Variants in GCFC2 observed in about 807,000 individuals in gnomAD.
The protein encoded by GCFC2 is intron Large complex component GCFC2.
A neutral mutation model predicts 99.4 loss-of-function variants in GCFC2; 102 were observed. That is an observed-to-expected ratio of 1.03 (90% CI 0.87 to 1.21). GCFC2 has a LOEUF of 1.21. Among genes scored for constraint, GCFC2 ranks in the 50% most tolerant of loss-of-function variants. The pLI is 0.00. For synonymous variants in GCFC2, 338 were observed against 316.8 expected (o/e 1.07, Z -0.71); for missense variants, 973 against 920.9 (o/e 1.06, Z -0.73).
chr2:75,699,417 G>A (rs193157968), intron 4 of GCFC2, among the ~76,000 whole-genome samples: 55 of 152,234 alleles, frequency 3.6e-4, no homozygotes, highest in African/African-American at 1.2e-3. Context: ...GAAAGTTTGG[G>A]AATCTCTGAT....
At chr2:75,702,808 C>T (rs1264289092) in intron 2 of GCFC2, among the ~76,000 whole-genome samples, 2 of 152,134 alleles carry the variant, frequency 1.3e-5, no homozygotes, top group African/African-American at 4.8e-5. Context: ...TCAGTGAGAG[C>T]TACAGAAGTT....
intron 9 of GCFC2, among the ~76,000 whole-genome samples, chr2:75,689,546 A>G (rs1422991719): frequency 6.6e-6 from 1 of 152,128 alleles, no homozygotes; most frequent in Non-Finnish European, 1.5e-5. Context: ...TTTGTCTAAG[A>G]TTACACAGAA....
At chr2:75,687,243 T>C (rs1050122957) in intron 11 of GCFC2, among the ~76,000 whole-genome samples, 1 of 151,884 alleles carries the variant, frequency 6.6e-6, no homozygotes, top group Non-Finnish European at 1.5e-5. Flanking sequence ...GATGAAGCAA[T>C]GGTTTTAAAG....
At chr2:75,673,394 G>T (rs772084740) in intron 13 of GCFC2, 50 bp downstream of exon 13, 1 of 803,408 alleles carries the variant, frequency 1.2e-6, no homozygotes, top group Non-Finnish European at 2.2e-6. Context: ...AAACAAATCT[G>T]TATTCTATGA....
upstream of GCFC2, among the ~76,000 whole-genome samples, chr2:75,711,673 C>T (rs1681189650): frequency 6.6e-6 from 1 of 152,236 alleles, no homozygotes; most frequent in African/African-American, 2.4e-5. Context: ...TCGGAGCAGC[C>T]GGCCGGCCCT....
rs1273276657 is a variant in GCFC2 at position 75,680,364 on chromosome 2, C to T, written c.1691-50G>A. The T allele has an allele frequency of 4.7e-6, 7 of 1,499,518 alleles. No homozygotes were observed. The East Asian group carries it at 1.4e-4, about 30-fold the overall frequency. The allele number at this position is 1,499,518 out of a possible 1,614,324, so 92.9% of individuals were successfully genotyped here. A position where few individuals can be genotyped will look rare whatever the true frequency, so the allele number is the denominator to read the frequency against. ...ACAATGTATTTACTAGATTGTTTTG[C>T]TTTTCATATACAAATAATCAAGACC... On this transcript the variant is annotated intron_variant, in intron 11 of 16. Transcript: ENST00000321027.
At chr2:75,696,861 CT>C (rs1489564446) in intron 4 of GCFC2, among the ~76,000 whole-genome samples, 1 of 152,092 alleles carries the variant, frequency 6.6e-6, no homozygotes, top group Non-Finnish European at 1.5e-5. Context: ...TCTCGGCTCA[CT>C]GCAAGCTCCG....
chr2:75,688,887 C>T lies in GCFC2; in HGVS notation c.1539+139G>A, dbSNP rs1371697091. The T allele has an allele frequency of 5.3e-6, 3 of 566,948 alleles. No individual in the cohort carries two copies. The African/African-American group carries it at 5.9e-5, about 11-fold the overall frequency. The allele number at this position is 566,948 out of a possible 1,614,324, so 35.1% of individuals were successfully genotyped here. A position where few individuals can be genotyped will look rare whatever the true frequency, so the allele number is the denominator to read the frequency against. On this transcript the variant is annotated intron_variant, in intron 10 of 16. Transcript: ENST00000321027. Reference sequence around the variant, plus strand: ...AAAGAAGAATGTAGCCGAAAGCACACATTTTCTGACTATTGTTCCAAAGCT... The same window carrying T: ...AAAGAAGAATGTAGCCGAAAGCACATATTTTCTGACTATTGTTCCAAAGCT...
chr2:75,673,340 A>C, intron 13 of GCFC2, 104 bp downstream of exon 13: 2 of 676,044 alleles, frequency 3.0e-6, no homozygotes, highest in Non-Finnish European at 5.4e-6. Context: ...ACAAAAAACA[A>C]AACAAAAAAT....
chr2:75,696,081 T>A, intron 5 of GCFC2, 119 bp downstream of exon 5: 1 of 474,352 alleles, frequency 2.1e-6, no homozygotes, highest in Non-Finnish European at 3.9e-6. Context: ...CAGGAGATCC[T>A]TTTTCCCCCC....
intron 2 of GCFC2, among the ~76,000 whole-genome samples, chr2:75,703,951 A>T (rs1441248477): frequency 6.6e-6 from 1 of 152,212 alleles, no homozygotes; most frequent in Non-Finnish European, 1.5e-5. Context: ...AGTAAGTCAC[A>T]AGCAATGGGA....
intron 15 of GCFC2, among the ~76,000 whole-genome samples, chr2:75,666,969 C>G (rs1678870642): frequency 6.6e-6 from 1 of 152,122 alleles, no homozygotes; most frequent in Non-Finnish European, 1.5e-5. Flanking sequence ...ATTGTAACTG[C>G]AAGTGGGAGT....
intron 9 of GCFC2, 84 bp from the exon 10 acceptor site, chr2:75,689,309 T>C: frequency 2.9e-6 from 2 of 682,448 alleles, no homozygotes. Flanking sequence ...TGATGGACTG[T>C]AATCAATTGA....
chr2:75,689,116 G>T lies in GCFC2; in HGVS notation c.1449C>A (p.Asp483Glu). 6.3e-7 allele frequency: 1 copy of T among 1,593,852 alleles called. No homozygotes were observed. Among genetic ancestry groups the T allele is most frequent in the Non-Finnish European group, 8.6e-7 (1 of 1,162,738 alleles). The change falls in exon 10 of 17, where the codon GAC (aspartate) becomes GAA (glutamate). Residue 483 changes from aspartate (D) to glutamate (E), a missense_variant. Transcript: ENST00000321027. ...AACTAATGAAAGCTTCATAATAGGA[G>T]TCAGGAAACTTTTCTCGCCATTGCT... ...KFQQWREKFP[D>E]SYYEAFISLC...
At position 75,710,801 on chromosome 2, in the gene GCFC2, T is replaced by G. The variant is rs1681134931; in HGVS notation, c.55A>C (p.Ser19Arg). The G allele has an allele frequency of 1.9e-6, 3 of 1,579,408 alleles. No individual in the cohort carries two copies. The highest frequency in any genetic ancestry group is 2.6e-6 in the Non-Finnish European group (3 of 1,168,992). ...FRQRAADSSD[S>R]DGAEESPAEP... ...GCAGGCGACTCCTCGGCGCCATCGC[T>G]GTCGCTGGAATCAGCCGCGCGCTGC... Residue 19 changes from serine (S) to arginine (R), a missense_variant, in exon 1 of 17, where the codon AGC becomes CGC. Physicochemically the swap from Ser to Arg is moderately radical, Grantham distance 110. Coordinates refer to ENST00000321027, the MANE Select transcript of GCFC2 (RefSeq NM_003203.5).
intron 15 of GCFC2, among the ~76,000 whole-genome samples, chr2:75,667,322 G>C (rs1678888160): frequency 1.3e-5 from 2 of 151,940 alleles, no homozygotes; most frequent in African/African-American, 4.8e-5. Flanking sequence ...GAAATTCCTA[G>C]ATAATCATAC....
At position 75,671,973 on chromosome 2, in the gene GCFC2, T is replaced by C; in HGVS notation, c.1933A>G (p.Arg645Gly). The C allele has an allele frequency of 6.3e-7, 1 of 1,593,260 alleles. No homozygotes were observed. Among genetic ancestry groups the C allele is most frequent in the Non-Finnish European group, 8.6e-7 (1 of 1,162,496 alleles). Residue 645 changes from arginine to glycine, a missense_variant, in exon 14 of 17, where the codon AGA becomes GGA. Arg to Gly is a moderately radical substitution (Grantham distance 125). Coordinates refer to ENST00000321027, the MANE Select transcript of GCFC2 (RefSeq NM_003203.5). ...ACCTTTAGGCCTGACCAGAACTGTC[T>C]TTCTTGGAACTTTGAATGAGGTGAT... ...KTSPHSKFQE[R>G]QFWSGLKLFR... is the part of the protein sequence containing the mutation.
chr2:75,675,673 G>A (rs1486616616), intron 12 of GCFC2, among the ~76,000 whole-genome samples: 1 of 150,540 alleles, frequency 6.6e-6, no homozygotes, highest in Non-Finnish European at 1.5e-5. Context: ...GAACACAGGA[G>A]GTGGAGGTTG....
At chr2:75,701,106 T>C in intron 4 of GCFC2, 84 bp downstream of exon 4, 1 of 773,778 alleles carries the variant, frequency 1.3e-6, no homozygotes. Flanking sequence ...AGAATAAATG[T>C]GTGTTCTTTT....
Sources: gnomAD v4.1 joint callset for allele counts (sites outside exome capture counted in the v4.1 genomes callset) on GRCh38, gnomAD v4.1.1 for gene constraint, MANE v1.5 for transcripts, NCBI Gene and HGNC (gene_info 2026-07-23, HGNC 2026-07-21) for gene names.